Variants in C2CD3 observed in about 807,000 individuals in gnomAD.
C2CD3 encodes C2 domain containing 3 centriole elongation regulator, also known as C2 domain-containing protein 3.
In C2CD3, 148 loss-of-function variants were observed where a neutral mutation model predicts 234.0. That is an observed-to-expected ratio of 0.63 (90% CI 0.55 to 0.72). The LOEUF (loss-of-function observed/expected upper bound fraction) is 0.72. Among genes scored for constraint, C2CD3 ranks in the 30% least tolerant of loss-of-function variants. C2CD3 has a pLI of 0.00. For missense variants in C2CD3, 2,577 were observed against 2,811.5 expected, an observed-to-expected ratio of 0.92 and a Z score of 1.89; for synonymous variants, 1,000 against 1,035.4, an observed-to-expected ratio of 0.97 and a Z score of 0.66.
intron 20 of C2CD3, 49 bp downstream of exon 20, chr11:74,090,764 T>C: frequency 6.2e-7 from 1 of 1,607,448 alleles, no homozygotes; most frequent in Non-Finnish European, 8.5e-7. Flanking sequence ...TATTTTACAA[T>C]GATTGCAGTG....
chr11:74,150,517 A>AAAAAAAAAAAAAAAAAAAT (rs1855553162), intron 3 of C2CD3, among the ~76,000 whole-genome samples: 1 of 69,832 alleles, frequency 1.4e-5, no homozygotes, highest in Non-Finnish European at 3.0e-5. Context: ...AAAAAAAAAC[A>AAAAAAAAAAAAAAAAAAAT]AAAAAAAAAC....
chr11:74,095,192 C>CATA lies in C2CD3; in HGVS notation c.3160+33_3160+35dup, dbSNP rs775936464. The CATA allele has an allele frequency of 4.4e-6, 6 of 1,375,824 alleles. No individual in the cohort carries two copies. In the African/African-American group the frequency reaches 7.4e-5, roughly 17 times the overall value. The allele number at this position is 1,375,824 out of a possible 1,614,324, so 85.2% of individuals were successfully genotyped here. A position where few individuals can be genotyped will look rare whatever the true frequency, so the allele number is the denominator to read the frequency against. On this transcript the variant is annotated intron_variant, in intron 17 of 32. Coordinates refer to ENST00000334126, the MANE Select transcript of C2CD3 (RefSeq NM_001286577.2). Reference sequence around the variant, plus strand: ...CTTAAGTATAATCTAATAAAAGAACCATATAAGAATAAGAAAGCCTAATAT... The same window carrying CATA: ...CTTAAGTATAATCTAATAAAAGAACCATAATATAAGAATAAGAAAGCCTAATAT...
chr11:74,053,405 C>T (rs1047622733), intron 26 of C2CD3, among the ~76,000 whole-genome samples: 1 of 152,142 alleles, frequency 6.6e-6, no homozygotes, highest in African/African-American at 2.4e-5. Context: ...TAAATATGCA[C>T]AGATAAGTCA....
Position 74,106,418 on chromosome 11 carries a change from G to A in C2CD3, c.2038C>T (p.Leu680Phe), listed in dbSNP as rs777225419. The change falls in exon 13 of 33, where the codon CTT becomes TTT. Residue 680 changes from leucine to phenylalanine, a missense_variant. By Grantham distance (22) the Leu-to-Phe change is conservative (BLOSUM62 0). Transcript: ENST00000334126. ...TGACCATTTTCTTGTTGCACTGGAA[G>A]CTGATCACTGAAAGAAAGCAGCTCT... Reference protein sequence around the residue: ...QSELLSFSDQLPVQQENGQSP... With the variant: ...QSELLSFSDQFPVQQENGQSP... The A allele has an allele frequency of 6.2e-7, 1 of 1,614,004 alleles. No individual in the cohort carries two copies. Among genetic ancestry groups the A allele is most frequent in the Non-Finnish European group, 8.5e-7 (1 of 1,179,860 alleles).
At chr11:74,082,835 A>G (rs960443747) in intron 22 of C2CD3, among the ~76,000 whole-genome samples, 2 of 152,254 alleles carry the variant, frequency 1.3e-5, no homozygotes, top group Non-Finnish European at 2.9e-5. Context: ...ATGGATAGGA[A>G]GAATCAATAT....
At chr11:74,061,712 C>T (rs546461729) in intron 24 of C2CD3, among the ~76,000 whole-genome samples, 3 of 152,292 alleles carry the variant, frequency 2.0e-5, no homozygotes, top group South Asian at 4.1e-4. Flanking sequence ...GAAACTGCAT[C>T]GACTAACGAG....
At chr11:74,018,906 C>T (rs935793658) in intron 32 of C2CD3, among the ~76,000 whole-genome samples, 4 of 152,122 alleles carry the variant, frequency 2.6e-5, no homozygotes, top group African/African-American at 4.8e-5. Context: ...ATGCTCCCTC[C>T]GTGCCACACC....
chr11:74,113,908 A>T lies in C2CD3; in HGVS notation c.1731-16T>A. The T allele has an allele frequency of 7.0e-7, 1 of 1,436,376 alleles. No homozygotes were observed. Among genetic ancestry groups the T allele is most frequent in the Non-Finnish European group, 9.6e-7 (1 of 1,044,896 alleles). The allele number at this position is 1,436,376 out of a possible 1,614,324, so 89.0% of individuals were successfully genotyped here. A position where few individuals can be genotyped will look rare whatever the true frequency, so the allele number is the denominator to read the frequency against. On this transcript the variant is annotated splice_polypyrimidine_tract_variant and intron_variant, in intron 10 of 32. Coordinates refer to ENST00000334126, the MANE Select transcript of C2CD3 (RefSeq NM_001286577.2). ...AAAGAAAGTGCTAAAAAGAAAAAAA[A>T]AGTGATTAAAAACTAACCAAACAAT...
Position 74,122,981 on chromosome 11 carries a change from G to A in C2CD3, c.1365+7C>T, listed in dbSNP as rs1957270083. 1 of 1,610,194 alleles carries A rather than the reference G, an allele frequency of 6.2e-7. No individual in the cohort carries two copies. Among genetic ancestry groups the A allele is most frequent in the East Asian group, 2.2e-5 (1 of 44,860 alleles). On this transcript the variant is annotated splice_region_variant and intron_variant, in intron 8 of 32. Transcript: ENST00000334126. ...TAATTCTCAATGCTTCAGGTTCAGT[G>A]ACTTACAGGTGCTGTATAAAATAAA...
intron 9 of C2CD3, among the ~76,000 whole-genome samples, chr11:74,117,183 TGA>T (rs1352285910): frequency 1.5e-5 from 1 of 68,338 alleles, no homozygotes; most frequent in African/African-American, 9.1e-5. Flanking sequence ...TATATATATA[TGA>T]ATATATATAT....
chr11:74,105,829 T>A (rs1203378505), intron 13 of C2CD3, among the ~76,000 whole-genome samples: 8 of 152,198 alleles, frequency 5.3e-5, no homozygotes, highest in Non-Finnish European at 1.2e-4. Context: ...CCGTCTATTC[T>A]CCACACAGTA....
At chr11:74,119,026 CA>C (rs945055574) in intron 8 of C2CD3, among the ~76,000 whole-genome samples, 4 of 151,492 alleles carry the variant, frequency 2.6e-5, no homozygotes, top group African/African-American at 7.3e-5. Flanking sequence ...CCTCTTACCT[CA>C]GCCTCCCAAG....
In C2CD3 at chr11:74,139,704, C is replaced by T. The variant is rs1362032093; in HGVS notation, c.608G>A (p.Ser203Asn). 6.2e-7 allele frequency: 1 copy of T among 1,613,640 alleles called. No individual in the cohort carries two copies. The highest frequency in any genetic ancestry group is 2.2e-5 in the East Asian group (1 of 44,870). The stretch of plus-strand genomic sequence containing the variant: ...CCTTGATGGAACCTGAAACTGGGTA[C>T]TGCTGGGTTCAGTATTCTCTCTGAA... The part of the protein sequence containing the change: ...QGFRENTEPS[S>N]TQFQVPSRPR... The change falls in exon 4 of 33, where the codon AGT becomes AAT. Residue 203 changes from serine (S) to asparagine (N), a missense_variant. By Grantham distance (46) the Ser-to-Asn change is conservative (BLOSUM62 1). Transcript: ENST00000334126.
chr11:74,117,354 G>T (rs1957056018), intron 9 of C2CD3, among the ~76,000 whole-genome samples: 1 of 65,916 alleles, frequency 1.5e-5, no homozygotes, highest in Admixed American at 2.3e-4. Context: ...TAAGTCATTT[G>T]GCCTCAAATA....
intron 25 of C2CD3, 102 bp downstream of exon 25, chr11:74,057,304 G>C (rs1320174745): frequency 2.6e-6 from 3 of 1,162,034 alleles, no homozygotes; most frequent in East Asian, 4.7e-5. Flanking sequence ...GCATTTTCCA[G>C]GTCTGCTCAA....
At chr11:74,122,848 G>GATA in intron 8 of C2CD3, 140 bp downstream of exon 8, 1 of 624,462 alleles carries the variant, frequency 1.6e-6, no homozygotes, top group Non-Finnish European at 2.8e-6. Flanking sequence ...GTAAAATGAA[G>GATA]ATAATACTTT....
chr11:74,108,949 C>A, intron 12 of C2CD3, 85 bp downstream of exon 12: 1 of 705,454 alleles, frequency 1.4e-6, no homozygotes, highest in East Asian at 2.8e-5. Context: ...CCTGAAGATT[C>A]CTAGTTTAGG....
At position 74,123,182 on chromosome 11, in the gene C2CD3, A is replaced by G. The variant is rs772829000; in HGVS notation, c.1218-47T>C. ...GCAGAAGAATTTTAATAGAAGTTTC[A>G]GCTGAACTATTCTCTCTTTAGTGAA... On this transcript the variant is annotated intron_variant, in intron 7 of 32. Transcript: ENST00000334126. 4.2e-6 allele frequency: 6 copies of G among 1,436,348 alleles called. No individual in the cohort carries two copies. The African/African-American group carries it at 7.0e-5, about 17-fold the overall frequency. 89.0% of individuals were successfully genotyped at this position (1,436,348 alleles called of 1,614,324 possible).
intron 32 of C2CD3, among the ~76,000 whole-genome samples, chr11:74,017,851 T>C (rs1200032873): frequency 1.3e-5 from 2 of 152,226 alleles, no homozygotes; most frequent in South Asian, 2.1e-4. Flanking sequence ...TCCCAGCCAC[T>C]GTGTTCTAGG....
Sources: allele counts gnomAD v4.1 joint callset (sites outside exome capture counted in the v4.1 genomes callset), GRCh38; gene constraint gnomAD v4.1.1; transcripts MANE v1.5; gene names NCBI Gene and HGNC (gene_info 2026-07-23, HGNC 2026-07-21).